Variants in GOLGA5 observed in about 807,000 individuals in gnomAD.
GOLGA5 encodes the protein golgin subfamily A member 5.
Under a neutral mutation model 93.5 loss-of-function variants are expected in GOLGA5, and 50 were observed. The observed-to-expected ratio is 0.53, with a 90% CI of 0.43 to 0.68. The LOEUF is 0.68. GOLGA5 is among the 30% of genes least tolerant of loss of function. The pLI is 0.00. For missense variants in GOLGA5, 760 were observed against 856.4 expected, an observed-to-expected ratio of 0.89 and a Z score of 1.40; for synonymous variants, 312 against 304.5, an observed-to-expected ratio of 1.02 and a Z score of -0.26.
intron 6 of GOLGA5, among the ~76,000 whole-genome samples, chr14:92,814,129 A>G (rs1328822458): frequency 6.6e-6 from 1 of 152,218 alleles, no homozygotes. Flanking sequence ...AAAGGTAATT[A>G]GAAGTAAGTT....
chr14:92,838,430 T>C (rs1413447013), intron 12 of GOLGA5, among the ~76,000 whole-genome samples: 1 of 151,980 alleles, frequency 6.6e-6, no homozygotes, highest in African/African-American at 2.4e-5. Context: ...TGCAGTGGCA[T>C]GATCTTGGCT....
chr14:92,821,695 T>C (rs192580692), intron 8 of GOLGA5, among the ~76,000 whole-genome samples: 16 of 152,352 alleles, frequency 1.1e-4, no homozygotes, highest in Non-Finnish European at 2.1e-4. Flanking sequence ...CTTGTTCTTT[T>C]CTCAGAGAAA....
chr14:92,811,432 A>G, intron 5 of GOLGA5, 119 bp from the exon 6 acceptor site: 1 of 704,376 alleles, frequency 1.4e-6, no homozygotes, highest in South Asian at 1.8e-5. Context: ...ATTTTTTCCC[A>G]TCCCTACTAT....
intron 3 of GOLGA5, 68 bp from the exon 4 acceptor site, chr14:92,809,232 A>C: frequency 9.7e-7 from 1 of 1,032,036 alleles, no homozygotes; most frequent in Non-Finnish European, 1.5e-6. Context: ...TCAAAGTAGA[A>C]ACTGTACGTG....
intron 1 of GOLGA5, among the ~76,000 whole-genome samples, chr14:92,794,843 T>C (rs1283817859): frequency 6.6e-6 from 1 of 152,148 alleles, no homozygotes; most frequent in Non-Finnish European, 1.5e-5. Flanking sequence ...CGCCTGGCCT[T>C]CGAAGCAGGC....
At chr14:92,806,532 C>G (rs1324001560) in intron 2 of GOLGA5, among the ~76,000 whole-genome samples, 3 of 152,100 alleles carry the variant, frequency 2.0e-5, no homozygotes, top group Non-Finnish European at 4.4e-5. Context: ...AGGCTGGTCT[C>G]AAACTCCTGA....
At position 92,824,482 on chromosome 14, in the gene GOLGA5, G is replaced by A. The variant is rs1057030856; in HGVS notation, c.1621-64G>A. 5.3e-6 allele frequency: 4 copies of A among 759,094 alleles called. No homozygotes were observed. The African/African-American group carries it at 7.0e-5, about 13-fold the overall frequency. The allele number at this position is 759,094 out of a possible 1,614,324, so 47.0% of individuals were successfully genotyped here. ...CTACCATGTGCCAGGCACTGATTTA[G>A]GTACTGAGGATGGAATAGGGGACAC... is the stretch of plus-strand genomic sequence containing the variant. On this transcript the variant is annotated intron_variant, in intron 8 of 12. Transcript: ENST00000163416.
rs757811302 is a variant in GOLGA5, at chr14:92,839,649, A to G, written c.*203A>G. The G allele has an allele frequency of 2.1e-4, 122 of 589,416 alleles. 1 individual carries two copies. The highest frequency in any genetic ancestry group is 3.4e-4 in the Non-Finnish European group (112 of 332,336). 36.5% of individuals were successfully genotyped at this position (589,416 alleles called of 1,614,324 possible). ...GTAAGAGTTTCTAAAACAGACAATAATTTAACAAGCTCAGCTCTGCTTTAT... is the reference window on the plus strand; with the variant it reads ...GTAAGAGTTTCTAAAACAGACAATAGTTTAACAAGCTCAGCTCTGCTTTAT... On this transcript the variant is annotated 3_prime_UTR_variant, in exon 13 of 13. Transcript: ENST00000163416.
At chr14:92,799,535 C>T (rs190732878) in intron 2 of GOLGA5, among the ~76,000 whole-genome samples, 12 of 151,492 alleles carry the variant, frequency 7.9e-5, no homozygotes, top group Non-Finnish European at 1.2e-4. Context: ...CCGCCCGCCT[C>T]GGCCTCCCAA....
At chr14:92,839,279 GAC>G (rs1885710692) in intron 12 of GOLGA5, 85 bp from the exon 13 acceptor site, 28 of 792,196 alleles carry the variant, frequency 3.5e-5, no homozygotes, top group Middle Eastern at 2.2e-4. Context: ...AGGCAGGTAA[GAC>G]ACAGTGCCTG....
chr14:92,834,122 A>C (rs2140336656), intron 10 of GOLGA5, among the ~76,000 whole-genome samples: 1 of 151,686 alleles, frequency 6.6e-6, no homozygotes, highest in African/African-American at 2.4e-5. Context: ...AAATTAATAA[A>C]ATTTTCCTGA....
chr14:92,800,001 CT>C (rs1884834066), intron 2 of GOLGA5, among the ~76,000 whole-genome samples: 1 of 152,148 alleles, frequency 6.6e-6, no homozygotes, highest in Admixed American at 6.5e-5. Context: ...TGAATAAAAT[CT>C]TTCTTGTATT....
In GOLGA5 at chr14:92,810,391, A is replaced by G; in HGVS notation, c.1116+14A>G. On this transcript the variant is annotated intron_variant, in intron 5 of 12. Coordinates refer to ENST00000163416, the MANE Select transcript of GOLGA5 (RefSeq NM_005113.4). ...AAACAGATGCAGGTTAGAATGAGAG[A>G]CAGCAGATTCCTATTGTTACTTGGA... is the stretch of plus-strand genomic sequence containing the variant. 1.3e-6 allele frequency: 2 copies of G among 1,541,016 alleles called. No homozygotes were observed. Among genetic ancestry groups the G allele is most frequent in the Non-Finnish European group, 1.7e-6 (2 of 1,147,630 alleles).
chr14:92,810,315 G>A lies in GOLGA5; in HGVS notation c.1054G>A (p.Glu352Lys). 6.2e-7 allele frequency: 1 copy of A among 1,601,854 alleles called. No individual in the cohort carries two copies. Among genetic ancestry groups the A allele is most frequent in the Non-Finnish European group, 8.5e-7 (1 of 1,170,444 alleles). ...LQNQALQTFQ[E>K]RLHEADATLK... ...GAATCAAGCTCTGCAGACTTTTCAG[G>A]AGAGACTGCATGAAGCGGATGCCAC... Residue 352 changes from glutamate (E) to lysine (K), a missense_variant, in exon 5 of 13, where the codon GAG (glutamate) becomes AAG (lysine). Glu to Lys is a moderately conservative substitution (Grantham distance 56). Coordinates refer to ENST00000163416, the MANE Select transcript of GOLGA5 (RefSeq NM_005113.4).
At chr14:92,806,991 G>A (rs1885001388) in intron 3 of GOLGA5, 28 bp downstream of exon 3, 1 of 1,412,054 alleles carries the variant, frequency 7.1e-7, no homozygotes, top group African/African-American at 1.4e-5. Flanking sequence ...TCAGGATTAG[G>A]AATTTAACTT....
At chr14:92,837,879 AAG>A (rs1885679882) in intron 12 of GOLGA5, among the ~76,000 whole-genome samples, 1 of 152,178 alleles carries the variant, frequency 6.6e-6, no homozygotes, top group African/African-American at 2.4e-5. Flanking sequence ...ACAGTTTGGA[AAG>A]AGAGAACTCA....
At chr14:92,817,706 C>A (rs1885238876) in intron 7 of GOLGA5, among the ~76,000 whole-genome samples, 1 of 152,126 alleles carries the variant, frequency 6.6e-6, no homozygotes, top group Non-Finnish European at 1.5e-5. Context: ...CATTGTGAGA[C>A]TTGTGAACTA....
At chr14:92,798,407 T>C (rs1434615607) in intron 2 of GOLGA5, among the ~76,000 whole-genome samples, 4 of 152,028 alleles carry the variant, frequency 2.6e-5, no homozygotes, top group Admixed American at 6.6e-5. Context: ...TGTGTGTTTT[T>C]CCCCCCACAT....
intron 7 of GOLGA5, among the ~76,000 whole-genome samples, chr14:92,818,534 A>C (rs1595598370): frequency 6.6e-6 from 1 of 152,242 alleles, no homozygotes; most frequent in African/African-American, 2.4e-5. Context: ...CAAATTGATG[A>C]CAAAGATTAA....
Sources: allele counts gnomAD v4.1 joint callset (sites outside exome capture counted in the v4.1 genomes callset), GRCh38; gene constraint gnomAD v4.1.1; transcripts MANE v1.5; gene names NCBI Gene and HGNC (gene_info 2026-07-23, HGNC 2026-07-21).